ZNF254: variants seen among roughly 807,000 people sequenced by gnomAD.
The protein encoded by ZNF254 is CTD-2017D11.1.
ZNF254 carries 10 observed loss-of-function variants against 12.4 expected under a neutral mutation model. The observed-to-expected ratio is 0.80, with a 90% CI of 0.50 to 1.36. The LOEUF (loss-of-function observed/expected upper bound fraction) is 1.36, where lower values mean the gene tolerates loss of function less well. ZNF254 is among the 40% of genes most tolerant of loss of function. The pLI is 0.00. For synonymous variants in ZNF254, 305 were observed against 253.4 expected, an observed-to-expected ratio of 1.20 and a Z score of -1.93; for missense variants, 996 against 763.9, an observed-to-expected ratio of 1.30 and a Z score of -3.58.
chr19:24,106,517 A>G (rs1187021444), intron 2 of ZNF254, 31 bp from the exon 3 acceptor site: 3 of 1,533,794 alleles, frequency 2.0e-6, no homozygotes, highest in Non-Finnish European at 2.7e-6. Context: ...GAATATAAGC[A>G]AGATTCATTT....
chr19:24,048,661 C>T (rs1419074860), intron 2 of ZNF254, among the ~76,000 whole-genome samples: 1 of 151,996 alleles, frequency 6.6e-6, no homozygotes, highest in Admixed American at 6.6e-5. Flanking sequence ...GAGTTTGTTT[C>T]CACAGTACAT....
intron 1 of ZNF254, among the ~76,000 whole-genome samples, chr19:24,035,190 G>A (rs1969919978): frequency 6.6e-6 from 1 of 151,996 alleles, no homozygotes; most frequent in Non-Finnish European, 1.5e-5. Context: ...GTGAGATGGA[G>A]TCTCGCTCTG....
At chr19:24,114,954 G>A (rs1255263968) in intron 3 of ZNF254, among the ~76,000 whole-genome samples, 1 of 152,278 alleles carries the variant, frequency 6.6e-6, no homozygotes, top group Non-Finnish European at 1.5e-5. Flanking sequence ...TCAGAGAAAT[G>A]CAAATCAAAA....
intron 2 of ZNF254, among the ~76,000 whole-genome samples, chr19:24,049,214 A>ATTTTTTTTTTTT (rs66491625): frequency 3.9e-4 from 16 of 40,852 alleles, no homozygotes; most frequent in African/African-American, 1.8e-3. Context: ...ATATATATAT[A>ATTTTTTTTTTTT]TTTTTTTTTT....
intron 2 of ZNF254, among the ~76,000 whole-genome samples, chr19:24,075,389 C>G (rs1971621694): frequency 6.6e-6 from 1 of 152,096 alleles, no homozygotes; most frequent in South Asian, 2.1e-4. Flanking sequence ...GTTGGCCAGT[C>G]TGAGAAATAA....
At chr19:24,119,238 C>T (rs1332665773) in intron 3 of ZNF254, among the ~76,000 whole-genome samples, 1 of 152,024 alleles carries the variant, frequency 6.6e-6, no homozygotes, top group Non-Finnish European at 1.5e-5. Flanking sequence ...GTCACCCAGG[C>T]CAGAGTGCAG....
At chr19:24,117,420 C>A (rs554534125) in intron 3 of ZNF254, among the ~76,000 whole-genome samples, 1 of 152,270 alleles carries the variant, frequency 6.6e-6, no homozygotes, top group African/African-American at 2.4e-5. Context: ...CCCCCAGCCT[C>A]GCTGCTGCCT....
intron 3 of ZNF254, among the ~76,000 whole-genome samples, chr19:24,119,106 T>G (rs575805999): frequency 6.6e-6 from 1 of 151,884 alleles, no homozygotes; most frequent in Non-Finnish European, 1.5e-5. Flanking sequence ...AATGAGACTC[T>G]GACTTCAAAA....
At chr19:24,119,624 G>T (rs1249077357) in intron 3 of ZNF254, among the ~76,000 whole-genome samples, 1 of 151,934 alleles carries the variant, frequency 6.6e-6, no homozygotes, top group Admixed American at 6.6e-5. Flanking sequence ...CAGGTAGCTG[G>T]GTTACAAGTG....
At position 24,115,699 on chromosome 19, in the gene ZNF254, A is replaced by G. The variant is rs540196779; in HGVS notation, c.253+9056A>G. Among the ~76,000 whole-genome samples the G allele has an allele frequency of 8.5e-5, 13 of 152,288 alleles. No homozygotes were observed. The Middle Eastern group carries it at 0.01, about 120-fold the overall frequency. On this transcript the variant is annotated intron_variant, in intron 3 of 3. Transcript: ENST00000357002. The stretch of plus-strand genomic sequence containing the variant: ...TAATAATAAAAAAAGAAAAATAAAT[A>G]AAGTTAATATTGTTATGTGTGAATT...
At chr19:24,054,509 C>A (rs1970766650) in intron 2 of ZNF254, among the ~76,000 whole-genome samples, 1 of 152,138 alleles carries the variant, frequency 6.6e-6, no homozygotes, top group African/African-American at 2.4e-5. Flanking sequence ...TTGTATAATG[C>A]CCTCGAGTGT....
intron 1 of ZNF254, among the ~76,000 whole-genome samples, chr19:24,092,620 A>T (rs1265656790): frequency 6.6e-6 from 1 of 151,912 alleles, no homozygotes; most frequent in Non-Finnish European, 1.5e-5. Context: ...AGCTCAGGCA[A>T]TCCACCTGCC....
intron 2 of ZNF254, 73 bp downstream of exon 2, chr19:24,106,139 A>G: frequency 6.8e-7 from 1 of 1,475,884 alleles, no homozygotes; most frequent in Non-Finnish European, 9.0e-7. Context: ...GTTTTCTGGT[A>G]ATTTACGCAT....
At chr19:24,106,498 G>A in intron 2 of ZNF254, 50 bp from the exon 3 acceptor site, 1 of 1,444,796 alleles carries the variant, frequency 6.9e-7, no homozygotes, top group East Asian at 2.7e-5. Context: ...TACTAAGTTG[G>A]TAATTGGAGA....
At chr19:24,091,317 A>C (rs927942248) in intron 1 of ZNF254, among the ~76,000 whole-genome samples, 1 of 69,386 alleles carries the variant, frequency 1.4e-5, no homozygotes, top group Non-Finnish European at 3.2e-5. Context: ...AAAATAAAGA[A>C]AAAAAAAAAA....
At chr19:24,114,986 C>T (rs1394068637) in intron 3 of ZNF254, among the ~76,000 whole-genome samples, 2 of 152,304 alleles carry the variant, frequency 1.3e-5, no homozygotes, top group African/African-American at 4.8e-5. Context: ...TACCATTTCA[C>T]ACCAGTTAGA....
chr19:24,068,594 C>T (rs973907005), intron 2 of ZNF254, among the ~76,000 whole-genome samples: 2 of 152,172 alleles, frequency 1.3e-5, no homozygotes, highest in African/African-American at 4.8e-5. Context: ...AGCCACTGCA[C>T]CCAGTCTACC....
At chr19:24,103,169 A>G (rs1973132919) in intron 1 of ZNF254, among the ~76,000 whole-genome samples, 1 of 152,210 alleles carries the variant, frequency 6.6e-6, no homozygotes, top group South Asian at 2.1e-4. Context: ...AAATAATATG[A>G]TACTTTAAGA....
intron 3 of ZNF254, among the ~76,000 whole-genome samples, chr19:24,110,268 C>T (rs1973587030): frequency 6.6e-6 from 1 of 152,056 alleles, no homozygotes; most frequent in South Asian, 2.1e-4. Flanking sequence ...TTTAAATGTA[C>T]ATGTCAGGGC....
Sources: allele counts gnomAD v4.1 joint callset (sites outside exome capture counted in the v4.1 genomes callset), GRCh38; gene constraint gnomAD v4.1.1; transcripts MANE v1.5; gene names NCBI Gene and HGNC (gene_info 2026-07-23, HGNC 2026-07-21).